The following VEZT variants were observed in gnomAD, a reference collection of about 807,000 sequenced individuals.
VEZT encodes the protein vezatin, adherens junctions transmembrane protein, also known as vezatin.
VEZT carries 39 observed loss-of-function variants against 79.9 expected under a neutral mutation model. The ratio of observed to expected loss-of-function variants is 0.49; its 90% confidence interval spans 0.38 to 0.64. The LOEUF (loss-of-function observed/expected upper bound fraction) is 0.64, where lower values mean the gene tolerates loss of function less well. Among genes scored for constraint, VEZT ranks in the 30% least tolerant of loss-of-function variants. The pLI, the probability that VEZT is intolerant of heterozygous loss-of-function variation, is 0.00. For missense variants in VEZT, 837 were observed against 893.1 expected, an observed-to-expected ratio of 0.94 and a Z score of 0.80; for synonymous variants, 325 against 327.6, an observed-to-expected ratio of 0.99 and a Z score of 0.09.
At chr12:95,240,414 A>G (rs1034500336) in intron 1 of VEZT, among the ~76,000 whole-genome samples, 5 of 152,194 alleles carry the variant, frequency 3.3e-5, no homozygotes, top group Admixed American at 2.0e-4. Context: ...AAGTTTATGT[A>G]GAAATAATCT....
At chr12:95,259,161 G>T (rs1257587994) in intron 3 of VEZT, among the ~76,000 whole-genome samples, 1 of 149,418 alleles carries the variant, frequency 6.7e-6, no homozygotes, top group East Asian at 1.9e-4. Flanking sequence ...GTCTATGTTT[G>T]TGCTCTTATA....
chr12:95,223,062 T>A (rs2057865212), intron 1 of VEZT, among the ~76,000 whole-genome samples: 2 of 152,202 alleles, frequency 1.3e-5, no homozygotes, highest in Non-Finnish European at 2.9e-5. Flanking sequence ...TGGAGCTGGA[T>A]AACCTAAGAA....
intron 9 of VEZT, among the ~76,000 whole-genome samples, chr12:95,291,701 C>G (rs376828855): frequency 1.1e-4 from 16 of 152,162 alleles, no homozygotes; most frequent in African/African-American, 3.9e-4. Flanking sequence ...GAGCTTTTTT[C>G]ACTTTATAAC....
chr12:95,275,469 A>G (rs1316217413), intron 7 of VEZT, among the ~76,000 whole-genome samples: 2 of 151,996 alleles, frequency 1.3e-5, no homozygotes, highest in Admixed American at 6.6e-5. Flanking sequence ...GTGCAGTGTC[A>G]CATGCCTATG....
Position 95,287,757 on chromosome 12 carries a change from A to G in VEZT, c.1422A>G (p.Lys474=), listed in dbSNP as rs61735395. The G allele has an allele frequency of 6.2e-3, 10,024 of 1,606,132 alleles. 42 individuals carry two copies. Among genetic ancestry groups the G allele is most frequent in the Non-Finnish European group, 7.9e-3 (9,243 of 1,175,910 alleles). Residue 474 remains lysine, a synonymous_variant, in exon 9 of 12, where the codon AAA becomes AAG. Transcript: ENST00000436874. Reference sequence around the variant, plus strand: ...AGGCTTATCCCATCCTAGAACAGAAATTAAAGTTGATTCAGCCCCACGTTC... The same window carrying G: ...AGGCTTATCCCATCCTAGAACAGAAGTTAAAGTTGATTCAGCCCCACGTTC... The part of the protein sequence containing the change: ...VSEAYPILEQ[K]LKLIQPHVQA...
intron 1 of VEZT, among the ~76,000 whole-genome samples, chr12:95,236,002 C>T (rs1315512806): frequency 6.6e-6 from 1 of 152,134 alleles, no homozygotes; most frequent in African/African-American, 2.4e-5. Context: ...AGAGACGCTC[C>T]TCACTTCCCA....
At chr12:95,263,283 G>T (rs761758277) in intron 4 of VEZT, among the ~76,000 whole-genome samples, 8 of 152,136 alleles carry the variant, frequency 5.3e-5, no homozygotes, top group Admixed American at 1.3e-4. Context: ...ATCCAATTTG[G>T]TTATTATATA....
chr12:95,239,226 C>CA (rs985641160), intron 1 of VEZT, among the ~76,000 whole-genome samples: 3 of 151,968 alleles, frequency 2.0e-5, no homozygotes, highest in Non-Finnish European at 4.4e-5. Context: ...CAGTAAAAAA[C>CA]AAAAAAACAA....
intron 9 of VEZT, among the ~76,000 whole-genome samples, chr12:95,289,494 C>T (rs2072122956): frequency 6.7e-6 from 1 of 148,260 alleles, no homozygotes. Flanking sequence ...GATGTTGAAT[C>T]TTAGTCTATC....
At chr12:95,262,147 C>G (rs556483673) in intron 3 of VEZT, among the ~76,000 whole-genome samples, 1 of 152,328 alleles carries the variant, frequency 6.6e-6, no homozygotes, top group Non-Finnish European at 1.5e-5. Context: ...TCATTACAGG[C>G]TTGGTCCCTC....
Position 95,300,297 on chromosome 12 carries a change from A to G in VEZT, c.1964A>G (p.Asp655Gly), listed in dbSNP as rs2075038422. The G allele has an allele frequency of 1.2e-6, 2 of 1,608,442 alleles. No individual in the cohort carries two copies. The highest frequency in any genetic ancestry group is 2.2e-5 in the South Asian group (2 of 89,766). Reference protein sequence around the residue: ...EEESNKSATTDNEISRTEYLC... With the variant: ...EEESNKSATTGNEISRTEYLC... The stretch of plus-strand genomic sequence containing the variant: ...GAAAGTAATAAATCCGCCACAACAG[A>G]CAATGAAATAAGTAGGACTGAGTAT... The change falls in exon 12 of 12, where the codon GAC (aspartate) becomes GGC (glycine). Residue 655 changes from aspartate to glycine, a missense_variant. Coordinates refer to ENST00000436874, the MANE Select transcript of VEZT (RefSeq NM_017599.4).
At chr12:95,291,372 G>A (rs1455642372) in intron 9 of VEZT, among the ~76,000 whole-genome samples, 1 of 152,186 alleles carries the variant, frequency 6.6e-6, no homozygotes, top group Admixed American at 6.5e-5. Context: ...TGTTACAAAT[G>A]CACCCCTGAC....
chr12:95,230,104 CAAA>C (rs11386464), intron 1 of VEZT, among the ~76,000 whole-genome samples: 2 of 72,364 alleles, frequency 2.8e-5, no homozygotes. Context: ...GATTCCGTCT[CAAA>C]AAAAAAAAAA....
At chr12:95,259,191 G>GTTTTTT (rs71078691) in intron 3 of VEZT, among the ~76,000 whole-genome samples, 1,777 of 147,616 alleles carry the variant, frequency 0.012, 26 homozygotes, top group Non-Finnish European at 0.02. Flanking sequence ...AATACTTTCT[G>GTTTTTT]TTTTTTTTTT....
At position 95,296,059 on chromosome 12, in the gene VEZT, A is replaced by G; in HGVS notation, c.1632A>G (p.Glu544=). The part of the protein sequence containing the change: ...KDPIPEEQEL[E]AYVDDIDIDS... The stretch of plus-strand genomic sequence containing the variant: ...CTTCTATTCATTTTCAGGAATTAGA[A>G]GCTTATGTAGATGATATAGATATTG... Residue 544 remains glutamate, a synonymous_variant, in exon 11 of 12, where the codon GAA becomes GAG. Coordinates refer to ENST00000436874, the MANE Select transcript of VEZT (RefSeq NM_017599.4). 1 of 1,539,912 alleles carries G rather than the reference A, an allele frequency of 6.5e-7. No individual in the cohort carries two copies. The highest frequency in any genetic ancestry group is 8.7e-7 in the Non-Finnish European group (1 of 1,142,940).
At chr12:95,227,783 G>A (rs1456048499) in intron 1 of VEZT, among the ~76,000 whole-genome samples, 1 of 152,166 alleles carries the variant, frequency 6.6e-6, no homozygotes, top group Non-Finnish European at 1.5e-5. Flanking sequence ...AGAAACTTCA[G>A]GTCATCTGTC....
At chr12:95,254,205 T>A (rs533554149) in intron 2 of VEZT, among the ~76,000 whole-genome samples, 1 of 151,928 alleles carries the variant, frequency 6.6e-6, no homozygotes, top group South Asian at 2.1e-4. Context: ...GTTGCCCAGG[T>A]TGGTCTCAAA....
chr12:95,300,241 G>A lies in VEZT; in HGVS notation c.1908G>A (p.Met636Ile), dbSNP rs1487502898. The change falls in exon 12 of 12, where the codon ATG (methionine) becomes ATA (isoleucine). Residue 636 changes from methionine to isoleucine, a missense_variant. Transcript: ENST00000436874. ...CAGAACCATCAATGAATTCAGATAT[G>A]GGAAAAGTCAGTAAAAATGATACTG... ...SNSEPSMNSD[M>I]GKVSKNDTEE... 1 of 1,571,862 alleles carries A rather than the reference G, an allele frequency of 6.4e-7. No homozygotes were observed. Among genetic ancestry groups the A allele is most frequent in the South Asian group, 1.2e-5 (1 of 85,324 alleles).
chr12:95,302,535 A>C lies in VEZT; in HGVS notation c.*1862A>C, dbSNP rs2140041177. The C allele has an allele frequency of 6.6e-6, 1 of 152,246 alleles. No individual in the cohort carries two copies. Among genetic ancestry groups the C allele is most frequent in the South Asian group, 2.1e-4 (1 of 4,826 alleles). The allele number at this position is 152,246 out of a possible 1,614,324, so 9.4% of individuals were successfully genotyped here. ...TATTTGAGTATTTGTTCTTTTGTGT[A>C]GTTTCCATCTTTTAAAATATTTAAA... On this transcript the variant is annotated 3_prime_UTR_variant, in exon 12 of 12. Transcript: ENST00000436874.
Sources: allele counts gnomAD v4.1 joint callset (sites outside exome capture counted in the v4.1 genomes callset), GRCh38; gene constraint gnomAD v4.1.1; transcripts MANE v1.5; gene names NCBI Gene and HGNC (gene_info 2026-07-23, HGNC 2026-07-21).